The following DNAH17 variants were observed in gnomAD, a reference collection of about 807,000 sequenced individuals.
The protein encoded by DNAH17 is dynein axonemal heavy chain 17, also known as axonemal beta dynein heavy chain 17.
DNAH17 carries 376 observed loss-of-function variants against 485.6 expected under a neutral mutation model. That is an observed-to-expected ratio of 0.77 (90% CI 0.71 to 0.84). The LOEUF (loss-of-function observed/expected upper bound fraction) is 0.84, where lower values mean the gene tolerates loss of function less well. Among genes scored for constraint, DNAH17 ranks in the 40% least tolerant of loss-of-function variants. The pLI is 0.00. For synonymous variants in DNAH17, 3,031 were observed against 2,405.9 expected (o/e 1.26, Z -7.60); for missense variants, 6,370 against 5,839.3 (o/e 1.09, Z -2.96).
At chr17:78,494,231 C>A (rs2089979593) in intron 40 of DNAH17, 58 bp from the exon 41 acceptor site, 15 of 1,569,282 alleles carry the variant, frequency 9.6e-6, no homozygotes, top group Non-Finnish European at 1.3e-5. Context: ...TTTCTTCTCG[C>A]TGGGAGGCTG....
rs527644541 is a variant in DNAH17 at position 78,544,402 on chromosome 17, G to A, written c.2392-405C>T. Among the ~76,000 whole-genome samples the A allele has an allele frequency of 3.1e-4, 47 of 152,312 alleles. 1 individual carries two copies. The highest frequency in any genetic ancestry group is 6.0e-4 in the African/African-American group (25 of 41,580). Reference sequence around the variant, plus strand: ...GCTGCAAACGGAGGGCCACGTGGGAGTAAGTCCCTTTTGTGGGGGCCACTG... The same window carrying A: ...GCTGCAAACGGAGGGCCACGTGGGAATAAGTCCCTTTTGTGGGGGCCACTG... On this transcript the variant is annotated intron_variant, in intron 16 of 80. Coordinates refer to ENST00000389840, the MANE Select transcript of DNAH17 (RefSeq NM_173628.4).
Position 78,449,575 on chromosome 17 carries a change from C to A in DNAH17, c.11050G>T (p.Val3684Leu), listed in dbSNP as rs772970929. 8.1e-6 allele frequency: 13 copies of A among 1,604,706 alleles called. No individual in the cohort carries two copies. The highest frequency in any genetic ancestry group is 1.1e-5 in the Non-Finnish European group (13 of 1,174,984). ...VYQFSLKAFN[V>L]VFEKAIQRTT... ...CTCTGGATGGCTTTCTCAAACACCACGTTGAAGGCCTGGGGATCCGCCACC... is the reference window on the plus strand; with the variant it reads ...CTCTGGATGGCTTTCTCAAACACCAAGTTGAAGGCCTGGGGATCCGCCACC... The change falls in exon 69 of 81, where the codon GTG (valine) becomes TTG (leucine). Residue 3684 changes from valine to leucine, a missense_variant. Coordinates refer to ENST00000389840, the MANE Select transcript of DNAH17 (RefSeq NM_173628.4).
intron 24 of DNAH17, among the ~76,000 whole-genome samples, chr17:78,525,593 G>A (rs12453780): frequency 0.16 from 24,469 of 152,272 alleles, 2,536 homozygotes; most frequent in Non-Finnish European, 0.21. Flanking sequence ...AGAGTTGGCC[G>A]TCGTAGCACC....
Position 78,560,696 on chromosome 17 carries a change from G to T in DNAH17, c.2031+44C>A, listed in dbSNP as rs557211340. The T allele has an allele frequency of 8.0e-6, 12 of 1,500,402 alleles. No individual in the cohort carries two copies. The East Asian group carries it at 2.5e-4, about 31-fold the overall frequency. The allele number at this position is 1,500,402 out of a possible 1,614,324, so 92.9% of individuals were successfully genotyped here. On this transcript the variant is annotated intron_variant, in intron 13 of 80. Coordinates refer to ENST00000389840, the MANE Select transcript of DNAH17 (RefSeq NM_173628.4). ...GGGAACCTTGGCAGGCCCTCCCCCC[G>T]CTCCCAAGGAGCCTTTGACGCGGTC...
Position 78,475,802 on chromosome 17 carries a change from G to A in DNAH17, c.8186C>T (p.Pro2729Leu). 1.2e-6 allele frequency: 2 copies of A among 1,613,744 alleles called. No homozygotes were observed. The highest frequency in any genetic ancestry group is 1.7e-6 in the Non-Finnish European group (2 of 1,179,820). Residue 2729 changes from proline (P) to leucine (L), a missense_variant, in exon 53 of 81, where the codon CCA becomes CTA. Transcript: ENST00000389840. Reference sequence around the variant, plus strand: ...TTGAGCAAAGTGGCAGAAGATATTTGGCTTGGCAAATAAGAGTTCATCACC... The same window carrying A: ...TTGAGCAAAGTGGCAGAAGATATTTAGCTTGGCAAATAAGAGTTCATCACC... ...DLGDELLFAK[P>L]NIFCHFAQGI...
intron 31 of DNAH17, among the ~76,000 whole-genome samples, chr17:78,504,218 A>G (rs2090406887): frequency 6.6e-6 from 1 of 151,948 alleles, no homozygotes; most frequent in Non-Finnish European, 1.5e-5. Flanking sequence ...GGTGTCTGCC[A>G]CCACACCTGG....
intron 11 of DNAH17, among the ~76,000 whole-genome samples, chr17:78,564,393 A>G (rs2092224802): frequency 6.6e-6 from 1 of 152,166 alleles, no homozygotes; most frequent in African/African-American, 2.4e-5. Flanking sequence ...ACATCGGAAC[A>G]GCAGCAGGGA....
At chr17:78,474,861 C>A (rs1269683770) in intron 54 of DNAH17, among the ~76,000 whole-genome samples, 1 of 150,412 alleles carries the variant, frequency 6.6e-6, no homozygotes, top group African/African-American at 2.5e-5. Context: ...TCATGCGGGC[C>A]GGAAGATTTC....
In DNAH17 at chr17:78,432,910, C is replaced by CA. The variant is rs908649933; in HGVS notation, c.12225+1118_12225+1119insT. ...GAGCAGGCTTCAAACGTGCCCCCCC[C>CA]CCCCGACCCCGGTGCCAGCACCGTT... is the stretch of plus-strand genomic sequence containing the variant. On this transcript the variant is annotated intron_variant, in intron 75 of 80. Coordinates refer to ENST00000389840, the MANE Select transcript of DNAH17 (RefSeq NM_173628.4). Among the ~76,000 whole-genome samples, 22 of 124,068 alleles carry CA rather than the reference C, an allele frequency of 1.8e-4. 1 individual carries two copies. The South Asian group carries it at 2.5e-3, about 14-fold the overall frequency. The allele number at this position is 124,068 out of a possible 152,430, so 81.4% of individuals were successfully genotyped here. A position where few individuals can be genotyped will look rare whatever the true frequency, so the allele number is the denominator to read the frequency against.
intron 55 of DNAH17, 149 bp downstream of exon 55, chr17:78,468,468 G>C (rs561664229): frequency 1.8e-6 from 2 of 1,088,396 alleles, no homozygotes; most frequent in African/African-American, 1.6e-5. Context: ...CGGTTCATCA[G>C]ACAGCCCCAC....
chr17:78,561,660 G>T, intron 12 of DNAH17, 55 bp downstream of exon 12: 1 of 1,528,948 alleles, frequency 6.5e-7, no homozygotes, highest in South Asian at 1.3e-5. Flanking sequence ...AGTCCCTCTC[G>T]CTCTCCCGCA....
chr17:78,457,729 C>G (rs937417165), intron 62 of DNAH17, among the ~76,000 whole-genome samples: 1 of 147,740 alleles, frequency 6.8e-6, no homozygotes, highest in Non-Finnish European at 1.5e-5. Context: ...GGCGCGATCT[C>G]GGCTCACTGC....
intron 26 of DNAH17, among the ~76,000 whole-genome samples, chr17:78,514,503 CA>C (rs79884057): frequency 0.048 from 5,396 of 111,876 alleles, 102 homozygotes; most frequent in Non-Finnish European, 0.058. Flanking sequence ...GACTCCGTCT[CA>C]AAAAAAAAAA....
intron 54 of DNAH17, chr17:78,472,804 G>C: frequency 2.2e-6 from 1 of 448,584 alleles, no homozygotes; most frequent in South Asian, 1.6e-5. Context: ...AGCCTTTGTG[G>C]GGTCACAGAG....
chr17:78,537,367 G>A lies in DNAH17; in HGVS notation c.2791C>T (p.Leu931=). Reference sequence around the variant, plus strand: ...GCTACGTTGTAGATGTCGTTGACCAGGCCCTCGATCAGTGCCAGGAAGCCG... The same window carrying A: ...GCTACGTTGTAGATGTCGTTGACCAAGCCCTCGATCAGTGCCAGGAAGCCG... ...DRGFLALIEG[L]VNDIYNVARL... Residue 931 remains leucine, a synonymous_variant, in exon 19 of 81, where the codon CTG becomes TTG. Coordinates refer to ENST00000389840, the MANE Select transcript of DNAH17 (RefSeq NM_173628.4). The A allele has an allele frequency of 6.2e-7, 1 of 1,611,138 alleles. No individual in the cohort carries two copies. The highest frequency in any genetic ancestry group is 1.1e-5 in the South Asian group (1 of 90,444).
At chr17:78,430,673 T>C (rs11651967) in intron 75 of DNAH17, among the ~76,000 whole-genome samples, 3,250 of 150,530 alleles carry the variant, frequency 0.022, 113 homozygotes, top group East Asian at 0.15. Flanking sequence ...TTCTGCCTCC[T>C]GGGTTCAAGC....
At chr17:78,483,225 G>A (rs566384202) in intron 48 of DNAH17, among the ~76,000 whole-genome samples, 10 of 152,320 alleles carry the variant, frequency 6.6e-5, no homozygotes, top group South Asian at 2.1e-4. Context: ...TGATGCCTCC[G>A]TCCCCACATC....
At chr17:78,567,259 T>TG in intron 9 of DNAH17, 93 bp from the exon 10 acceptor site, 5 of 1,418,490 alleles carry the variant, frequency 3.5e-6, no homozygotes, top group South Asian at 2.5e-5. Flanking sequence ...CAGGAGGAGC[T>TG]GGGGAGCAAA....
chr17:78,475,189 G>A (rs528111811), intron 54 of DNAH17, 89 bp downstream of exon 54: 10 of 1,419,610 alleles, frequency 7.0e-6, no homozygotes, highest in African/African-American at 5.7e-5. Flanking sequence ...CCCTGTACTC[G>A]CTGGCTTCAT....
Sources: gnomAD v4.1 joint callset for allele counts (sites outside exome capture counted in the v4.1 genomes callset) on GRCh38, gnomAD v4.1.1 for gene constraint, MANE v1.5 for transcripts, NCBI Gene and HGNC (gene_info 2026-07-23, HGNC 2026-07-21) for gene names.